The following CSMD1 variants were observed in gnomAD, a reference collection of about 807,000 sequenced individuals.
CSMD1 encodes the protein CUB and sushi domain-containing protein 1.
A neutral mutation model predicts 417.5 loss-of-function variants in CSMD1; 213 were observed. The ratio of observed to expected loss-of-function variants is 0.51; its 90% CI spans 0.46 to 0.57. CSMD1 has a LOEUF of 0.57. CSMD1 is among the 20% of genes least tolerant of loss of function. The pLI is 0.00. For synonymous variants in CSMD1, 2,862 were observed against 1,736.8 expected (o/e 1.65, Z -16.11); for missense variants, 6,923 against 4,529.7 (o/e 1.53, Z -15.17).
At chr8:3,485,538 C>CACACACACACAGAGAGAG (rs376214281) in intron 11 of CSMD1, among the ~76,000 whole-genome samples, 25 of 135,024 alleles carry the variant, frequency 1.9e-4, no homozygotes, top group South Asian at 1.7e-3. Context: ...CACACACACA[C>CACACACACACAGAGAGAG]AGAGAGAGAG....
At chr8:3,728,160 G>A (rs1047699318) in intron 6 of CSMD1, among the ~76,000 whole-genome samples, 1 of 152,124 alleles carries the variant, frequency 6.6e-6, no homozygotes, top group Admixed American at 6.5e-5. Flanking sequence ...ATGAATCATG[G>A]GTGCTGTTGC....
At chr8:4,392,166 T>C (rs1803891112) in intron 3 of CSMD1, among the ~76,000 whole-genome samples, 1 of 152,190 alleles carries the variant, frequency 6.6e-6, no homozygotes, top group South Asian at 2.1e-4. Flanking sequence ...TCATGGGCAT[T>C]TTTGTTTCAA....
chr8:3,956,033 G>A (rs1037176671), intron 5 of CSMD1, among the ~76,000 whole-genome samples: 2 of 152,176 alleles, frequency 1.3e-5, no homozygotes, highest in African/African-American at 4.8e-5. Flanking sequence ...GACCTCAGGT[G>A]ATCTACCTGC....
At chr8:4,036,231 T>TCC (rs1388866375) in intron 3 of CSMD1, among the ~76,000 whole-genome samples, 3 of 152,114 alleles carry the variant, frequency 2.0e-5, no homozygotes, top group Non-Finnish European at 4.4e-5. Context: ...TCAGAATGCA[T>TCC]CCCAGTTGTT....
chr8:3,993,424 G>C (rs76006760), intron 5 of CSMD1, among the ~76,000 whole-genome samples: 1 of 152,144 alleles, frequency 6.6e-6, no homozygotes, highest in Non-Finnish European at 1.5e-5. Flanking sequence ...GTAAACACTG[G>C]AAGCATTAAC....
intron 9 of CSMD1, among the ~76,000 whole-genome samples, chr8:3,575,766 A>T (rs945646608): frequency 1.3e-5 from 2 of 152,188 alleles, no homozygotes; most frequent in African/African-American, 4.8e-5. Flanking sequence ...AGTGAAGCAT[A>T]GAAATTGCAT....
chr8:3,849,410 G>T (rs898428335), intron 5 of CSMD1, among the ~76,000 whole-genome samples: 1 of 152,194 alleles, frequency 6.6e-6, no homozygotes. Context: ...GGACGAAAGG[G>T]AGTCCTTGCT....
At chr8:3,380,594 A>G (rs1372617439) in intron 18 of CSMD1, among the ~76,000 whole-genome samples, 1 of 152,198 alleles carries the variant, frequency 6.6e-6, no homozygotes, top group East Asian at 1.9e-4. Context: ...TTGCAGGGAC[A>G]TGGATGAATC....
intron 7 of CSMD1, among the ~76,000 whole-genome samples, chr8:3,677,486 A>C (rs1447642265): frequency 6.6e-6 from 1 of 152,216 alleles, no homozygotes; most frequent in African/African-American, 2.4e-5. Flanking sequence ...TGAGCACCAC[A>C]GAAGACATCA....
intron 7 of CSMD1, among the ~76,000 whole-genome samples, chr8:3,703,448 A>ATTCC (rs1465932566): frequency 1.4e-5 from 2 of 146,440 alleles, no homozygotes; most frequent in Non-Finnish European, 3.0e-5. Flanking sequence ...TCATTCATTC[A>ATTCC]TTCATTCATT....
At chr8:3,868,244 C>T (rs993054827) in intron 5 of CSMD1, among the ~76,000 whole-genome samples, 3 of 152,060 alleles carry the variant, frequency 2.0e-5, no homozygotes, top group African/African-American at 7.2e-5. Context: ...GGGGCATCTC[C>T]ATTTAACTTT....
At chr8:3,525,110 A>G (rs938199738) in intron 10 of CSMD1, among the ~76,000 whole-genome samples, 9 of 152,124 alleles carry the variant, frequency 5.9e-5, no homozygotes, top group Admixed American at 3.9e-4. Context: ...GCTCAAAGTT[A>G]CACACATAGA....
intron 36 of CSMD1, among the ~76,000 whole-genome samples, chr8:3,182,485 G>C (rs891080564): frequency 2.0e-5 from 3 of 152,134 alleles, no homozygotes; most frequent in East Asian, 3.9e-4. Flanking sequence ...AAAGTCCTGG[G>C]ATTACAGGTG....
chr8:3,481,148 C>CCAT lies in CSMD1; in HGVS notation c.1449-12327_1449-12325dup, dbSNP rs551908135. ...CCAGCCTGGGCAACAGAGCGAGACT[C>CCAT]CATCTCAAAAAAAAAAAAAAAAAAA... On this transcript the variant is annotated intron_variant, in intron 11 of 69. Coordinates refer to ENST00000635120, the MANE Select transcript of CSMD1 (RefSeq NM_033225.6). 2.0e-3 allele frequency among the ~76,000 whole-genome samples: 248 copies of CCAT among 126,078 alleles called. 3 individuals are homozygous for CCAT. The highest frequency in any genetic ancestry group is 0.014 in the East Asian group (56 of 3,902). The allele number at this position is 126,078 out of a possible 152,430, so 82.7% of individuals were successfully genotyped here. A position where few individuals can be genotyped will look rare whatever the true frequency, so the allele number is the denominator to read the frequency against.
At chr8:4,050,743 A>G (rs1798382314) in intron 3 of CSMD1, among the ~76,000 whole-genome samples, 2 of 152,174 alleles carry the variant, frequency 1.3e-5, no homozygotes, top group Admixed American at 1.3e-4. Context: ...TTAAGTCACT[A>G]AACTATAAAT....
At chr8:4,615,304 G>A (rs996469658) in intron 2 of CSMD1, among the ~76,000 whole-genome samples, 1 of 152,140 alleles carries the variant, frequency 6.6e-6, no homozygotes, top group Non-Finnish European at 1.5e-5. Flanking sequence ...TTGGGTTTAC[G>A]CAGTATCTTC....
chr8:4,652,897 C>T lies in CSMD1; in HGVS notation c.86-15339G>A, dbSNP rs182821212. On this transcript the variant is annotated intron_variant, in intron 1 of 69. Coordinates refer to ENST00000635120, the MANE Select transcript of CSMD1 (RefSeq NM_033225.6). ...TCATGCTCCTGTAAGAATCTAACGC[C>T]GCTGCTGATGTGGTGGGGTGGAGTT... Among the ~76,000 whole-genome samples the T allele has an allele frequency of 4.2e-3, 642 of 151,436 alleles. 5 individuals carry two copies. Among genetic ancestry groups the T allele is most frequent in the African/African-American group, 0.014 (589 of 40,796 alleles).
chr8:3,531,970 G>A (rs1165774242), intron 10 of CSMD1, among the ~76,000 whole-genome samples: 2 of 152,152 alleles, frequency 1.3e-5, no homozygotes, highest in African/African-American at 2.4e-5. Flanking sequence ...TAAAAGACTG[G>A]AATGGGGGAT....
intron 3 of CSMD1, among the ~76,000 whole-genome samples, chr8:4,304,972 T>C (rs1054526673): frequency 6.6e-6 from 1 of 152,176 alleles, no homozygotes; most frequent in African/African-American, 2.4e-5. Flanking sequence ...CACTAACGTC[T>C]GGATGGTAAT....
Sources: gnomAD v4.1 joint callset for allele counts (sites outside exome capture counted in the v4.1 genomes callset) on GRCh38, gnomAD v4.1.1 for gene constraint, MANE v1.5 for transcripts, NCBI Gene and HGNC (gene_info 2026-07-23, HGNC 2026-07-21) for gene names.